Variants in SEMA4D observed in about 807,000 individuals in gnomAD.
SEMA4D encodes semaphorin 4D, also known as semaphorin-4D.
Under a neutral mutation model 74.8 loss-of-function variants are expected in SEMA4D, and 22 were observed. That is an observed-to-expected ratio of 0.29 (90% CI 0.21 to 0.42). SEMA4D has a LOEUF of 0.42. Ranked by LOEUF, SEMA4D falls within the 10% of genes least tolerant of loss-of-function variation. The pLI, the probability that SEMA4D is intolerant of heterozygous loss-of-function variation, is 1.00. For missense variants in SEMA4D, 937 were observed against 1,118.4 expected, an observed-to-expected ratio of 0.84 and a Z score of 2.31; for synonymous variants, 445 against 463.7, an observed-to-expected ratio of 0.96 and a Z score of 0.52.
Position 89,484,398 on chromosome 9 carries a change from G to A in SEMA4D, c.-310+13521C>T, listed in dbSNP as rs1824979395. ...AGCATATGACTGTGTGGTGTTATGT[G>A]TGGGGTTTGATGTGTGGTGTGTGTG... On this transcript the variant is annotated intron_variant, in intron 1 of 15. Coordinates refer to ENST00000422704, the MANE Select transcript of SEMA4D (RefSeq NM_001371194.2). The surrounding 1 kb of genome is among the most constrained non-coding windows in gnomAD (Gnocchi z 4.1). 6.6e-6 allele frequency among the ~76,000 whole-genome samples: 1 copy of A among 152,140 alleles called. No homozygotes were observed. The highest frequency in any genetic ancestry group is 2.1e-4 in the South Asian group (1 of 4,822).
At chr9:89,407,514 T>C (rs1406296345) in intron 2 of SEMA4D, among the ~76,000 whole-genome samples, 1 of 152,200 alleles carries the variant, frequency 6.6e-6, no homozygotes, top group Non-Finnish European at 1.5e-5. Flanking sequence ...CAGATTTTTG[T>C]TACCAACAAA....
chr9:89,386,331 G>T, intron 13 of SEMA4D, 36 bp downstream of exon 13: 1 of 1,501,528 alleles, frequency 6.7e-7, no homozygotes, highest in South Asian at 1.1e-5. Context: ...CCACCGAGCG[G>T]AGAAGCCCCC....
chr9:89,431,927 A>G (rs1849354300), intron 2 of SEMA4D, among the ~76,000 whole-genome samples: 1 of 152,218 alleles, frequency 6.6e-6, no homozygotes, highest in Non-Finnish European at 1.5e-5. Flanking sequence ...CCATACAGTC[A>G]AGGCCCCAAT....
chr9:89,399,751 A>C (rs1841762117), intron 4 of SEMA4D, among the ~76,000 whole-genome samples: 1 of 152,156 alleles, frequency 6.6e-6, no homozygotes. Flanking sequence ...TGATCCCAGC[A>C]CTTTGGGAGG....
At chr9:89,493,662 A>G (rs529222638) in intron 1 of SEMA4D, among the ~76,000 whole-genome samples, 3 of 152,324 alleles carry the variant, frequency 2.0e-5, no homozygotes, top group African/African-American at 7.2e-5. Context: ...CTTGCAACAG[A>G]TCAGGAAAAT....
chr9:89,456,979 T>G (rs960908790), intron 1 of SEMA4D, among the ~76,000 whole-genome samples: 1 of 152,006 alleles, frequency 6.6e-6, no homozygotes, highest in African/African-American at 2.4e-5. Context: ...TCTGAGAAAA[T>G]GCAAAGGGCT....
At chr9:89,414,246 G>A (rs910960520) in intron 2 of SEMA4D, among the ~76,000 whole-genome samples, 1 of 152,208 alleles carries the variant, frequency 6.6e-6, no homozygotes, top group East Asian at 1.9e-4. Context: ...CTGTGGACTG[G>A]CCAATCTAAC....
chr9:89,377,309 G>A lies in SEMA4D; in HGVS notation c.*1395C>T, dbSNP rs1835951932. Reference sequence around the variant, plus strand: ...ATTCAAAGTAGAAAAATAAAAACAAGGTAAATCTTATAAAACACAAATGTT... The same window carrying A: ...ATTCAAAGTAGAAAAATAAAAACAAAGTAAATCTTATAAAACACAAATGTT... On this transcript the variant is annotated 3_prime_UTR_variant, in exon 16 of 16. Transcript: ENST00000422704. 2.3e-6 allele frequency: 1 copy of A among 438,306 alleles called. No homozygotes were observed. The highest frequency in any genetic ancestry group is 3.8e-6 in the Non-Finnish European group (1 of 263,398). 27.2% of individuals were successfully genotyped at this position (438,306 alleles called of 1,614,324 possible). A position where few individuals can be genotyped will look rare whatever the true frequency, so the allele number is the denominator to read the frequency against.
intron 1 of SEMA4D, among the ~76,000 whole-genome samples, chr9:89,480,520 G>A (rs1588175039): frequency 6.6e-6 from 1 of 152,228 alleles, no homozygotes; most frequent in Non-Finnish European, 1.5e-5. Flanking sequence ...GGAGTGGGTG[G>A]GAGGCTCAGG....
chr9:89,463,667 GGC>G (rs1187833883), intron 1 of SEMA4D, among the ~76,000 whole-genome samples: 1 of 152,238 alleles, frequency 6.6e-6, no homozygotes, highest in African/African-American at 2.4e-5. Flanking sequence ...CGGGCATGGT[GGC>G]TCACGCCTGT....
At chr9:89,467,652 C>T (rs1406616263) in intron 1 of SEMA4D, among the ~76,000 whole-genome samples, 1 of 151,964 alleles carries the variant, frequency 6.6e-6, no homozygotes, top group Non-Finnish European at 1.5e-5. Context: ...CTGCCTCAGC[C>T]TCCCAAGTAG....
At chr9:89,371,631 T>G (rs1171712300) in intron 16 of SEMA4D, among the ~76,000 whole-genome samples, 1 of 59,230 alleles carries the variant, frequency 1.7e-5, no homozygotes, top group African/African-American at 7.7e-5. Context: ...GTGTGTGGGG[T>G]GTGATGTGTG....
In SEMA4D at chr9:89,459,738, T is replaced by C. The variant is rs151149033; in HGVS notation, c.-309-3785A>G. Among the ~76,000 whole-genome samples the C allele has an allele frequency of 3.7e-3, 570 of 152,258 alleles. 4 individuals are homozygous for C. Among genetic ancestry groups the C allele is most frequent in the Middle Eastern group, 0.017 (5 of 294 alleles). The stretch of plus-strand genomic sequence containing the variant: ...CCTTCCTGTCTCCACCTGGCTCAAA[T>C]GCCACCTACCTAGAAGCAGGGACCA... On this transcript the variant is annotated intron_variant, in intron 1 of 15. Transcript: ENST00000422704.
chr9:89,461,700 CTTT>C (rs61696689), intron 1 of SEMA4D, among the ~76,000 whole-genome samples: 69 of 103,660 alleles, frequency 6.7e-4, no homozygotes, highest in African/African-American at 2.1e-3. Context: ...TCTTTTTTCT[CTTT>C]TTTTTTTTTT....
At chr9:89,399,185 G>GC in intron 5 of SEMA4D, 91 bp downstream of exon 5, 3 of 1,089,864 alleles carry the variant, frequency 2.8e-6, no homozygotes, top group Non-Finnish European at 4.2e-6. Flanking sequence ...GAAAAGGCTG[G>GC]CCTGCACTGC....
intron 1 of SEMA4D, among the ~76,000 whole-genome samples, chr9:89,486,729 A>C (rs1298910671): frequency 6.6e-6 from 1 of 152,194 alleles, no homozygotes; most frequent in Non-Finnish European, 1.5e-5. Flanking sequence ...ATCATAGTGA[A>C]ACTCTGTCTC....
At position 89,379,207 on chromosome 9, in the gene SEMA4D, T is replaced by G. The variant is rs1588156223; in HGVS notation, c.2086A>C (p.Thr696Pro). 6.2e-7 allele frequency: 1 copy of G among 1,613,492 alleles called. No homozygotes were observed. Among genetic ancestry groups the G allele is most frequent in the South Asian group, 1.1e-5 (1 of 91,022 alleles). Residue 696 changes from threonine to proline, a missense_variant, in exon 16 of 16, where the codon ACC becomes CCC. By Grantham distance (38) the Thr-to-Pro change is conservative. Coordinates refer to ENST00000422704, the MANE Select transcript of SEMA4D (RefSeq NM_001371194.2). Reference protein sequence around the residue: ...AVQATSSGAITLPPKPAPTGT... With the variant: ...AVQATSSGAIPLPPKPAPTGT... ...GTGGGCGCAGGCTTGGGAGGAAGGG[T>G]GATGGCCCCGGAGGAGGTGGCCTGC...
intron 2 of SEMA4D, among the ~76,000 whole-genome samples, chr9:89,454,660 G>A (rs948607334): frequency 6.6e-6 from 1 of 152,266 alleles, no homozygotes; most frequent in Non-Finnish European, 1.5e-5. Flanking sequence ...CCCAGTGAGA[G>A]TGTCAAACCG....
chr9:89,426,095 A>AACCCCACCAAACC (rs1848039522), intron 2 of SEMA4D, among the ~76,000 whole-genome samples: 1 of 152,122 alleles, frequency 6.6e-6, no homozygotes, highest in African/African-American at 2.4e-5. Flanking sequence ...CCGCAGGGGG[A>AACCCCACCAAACC]GCGCATGCAG....
Sources: allele counts gnomAD v4.1 joint callset (sites outside exome capture counted in the v4.1 genomes callset), GRCh38; gene constraint gnomAD v4.1.1; non-coding constraint Gnocchi (gnomAD v3.1); transcripts MANE v1.5; gene names NCBI Gene and HGNC (gene_info 2026-07-23, HGNC 2026-07-21).